The following ZHX3 variants were observed in gnomAD, a reference collection of about 807,000 sequenced individuals.
ZHX3 encodes the protein zinc fingers and homeoboxes protein 3.
Under a neutral mutation model 64.5 loss-of-function variants are expected in ZHX3, and 20 were observed. The ratio of observed to expected loss-of-function variants is 0.31; its 90% CI spans 0.22 to 0.45. The LOEUF (loss-of-function observed/expected upper bound fraction) is 0.45. Among genes scored for constraint, ZHX3 ranks in the 20% least tolerant of loss-of-function variants. The probability of loss-of-function intolerance (pLI) is 1.00; values close to 1 mark genes in which losing one functional copy is unlikely to be tolerated. For missense variants in ZHX3, 1,041 were observed against 1,195.8 expected, an observed-to-expected ratio of 0.87 and a Z score of 1.91; for synonymous variants, 423 against 461.6, an observed-to-expected ratio of 0.92 and a Z score of 1.07.
intron 1 of ZHX3, among the ~76,000 whole-genome samples, chr20:41,313,934 T>C (rs569664743): frequency 1.7e-4 from 25 of 150,356 alleles, no homozygotes; most frequent in African/African-American, 5.8e-4. Context: ...TCATTTAGGA[T>C]TCCCCCCTTA....
At chr20:41,298,563 C>G (rs2044652129) in intron 1 of ZHX3, among the ~76,000 whole-genome samples, 1 of 152,150 alleles carries the variant, frequency 6.6e-6, no homozygotes. Flanking sequence ...CAAAACATAG[C>G]AGTAAAACTA....
rs183766924 is a variant in ZHX3, at chr20:41,226,239, T to C, written c.-150-21173A>G. 2.0e-5 allele frequency among the ~76,000 whole-genome samples: 3 copies of C among 151,930 alleles called. No homozygotes were observed. Among genetic ancestry groups the C allele is most frequent in the Admixed American group, 2.0e-4 (3 of 15,254 alleles). On this transcript the variant is annotated intron_variant, in intron 2 of 3. Transcript: ENST00000683867. This position sits in a 1 kb window ranked among gnomAD's most constrained non-coding sequence, Gnocchi z 4.4. ...GGTGAAACCCCATCTCTACTAAAAA[T>C]ACAAAAAATTAGCCGGGCGTGCTGG...
In ZHX3 at chr20:41,195,773, T is replaced by C. The variant is rs562685064; in HGVS notation, c.2860+6284A>G. ...ACAGATTTACCTCTTAGGATTGCTT[T>C]CACTATGTGTCATAAGTTCTGGTAT... On this transcript the variant is annotated intron_variant, in intron 3 of 3. Transcript: ENST00000683867. The surrounding 1 kb of genome is among the most constrained non-coding windows in gnomAD (Gnocchi z 4.2). Among the ~76,000 whole-genome samples, 3 of 152,238 alleles carry C rather than the reference T, an allele frequency of 2.0e-5. No homozygotes were observed. Among genetic ancestry groups the C allele is most frequent in the Non-Finnish European group, 4.4e-5 (3 of 68,036 alleles).
In ZHX3 at chr20:41,228,746, C is replaced by A. The variant is rs2040422535; in HGVS notation, c.-150-23680G>T. On this transcript the variant is annotated intron_variant, in intron 2 of 3. Transcript: ENST00000683867. This position sits in a 1 kb window ranked among gnomAD's most constrained non-coding sequence, Gnocchi z 4.6. ...GTGAATTTTAGGAGATACATTCAGT[C>A]CACTGCACCATACATCCAGATTTCC... Among the ~76,000 whole-genome samples the A allele has an allele frequency of 6.6e-6, 1 of 152,164 alleles. No individual in the cohort carries two copies. The highest frequency in any genetic ancestry group is 1.5e-5 in the Non-Finnish European group (1 of 68,026).
At chr20:41,297,357 T>C (rs1437940984) in intron 1 of ZHX3, among the ~76,000 whole-genome samples, 2 of 152,210 alleles carry the variant, frequency 1.3e-5, no homozygotes, top group Non-Finnish European at 1.5e-5. Context: ...CTTGGGACCC[T>C]GTGAATTGAC....
At chr20:41,213,830 CGT>C (rs1320423332) in intron 2 of ZHX3, 1 of 152,252 alleles carries the variant, frequency 6.6e-6, no homozygotes, top group African/African-American at 2.4e-5. Context: ...CAGCAGCTCA[CGT>C]CTGTAATCCC....
At chr20:41,257,764 A>G (rs2042337831) in intron 2 of ZHX3, among the ~76,000 whole-genome samples, 1 of 148,914 alleles carries the variant, frequency 6.7e-6, no homozygotes, top group Admixed American at 6.6e-5. Flanking sequence ...GGCACACGCC[A>G]CCATGCCTGG....
intron 1 of ZHX3, among the ~76,000 whole-genome samples, chr20:41,286,202 G>C (rs1160461836): frequency 6.6e-6 from 1 of 152,172 alleles, no homozygotes; most frequent in East Asian, 1.9e-4. Flanking sequence ...TTTATGAATT[G>C]TATCATTGCT....
chr20:41,306,135 A>G (rs1467999705), intron 1 of ZHX3, among the ~76,000 whole-genome samples: 1 of 152,190 alleles, frequency 6.6e-6, no homozygotes, highest in Non-Finnish European at 1.5e-5. Context: ...ATTTATTAAT[A>G]TACATTAGAA....
intron 1 of ZHX3, among the ~76,000 whole-genome samples, chr20:41,282,633 C>T (rs2043746186): frequency 1.3e-5 from 2 of 152,176 alleles, no homozygotes; most frequent in Admixed American, 1.3e-4. Context: ...GCTGGGATTA[C>T]AGGCGTAAGC....
chr20:41,315,787 T>G (rs568129268), intron 1 of ZHX3, among the ~76,000 whole-genome samples: 1 of 152,122 alleles, frequency 6.6e-6, no homozygotes, highest in Non-Finnish European at 1.5e-5. Flanking sequence ...AAAAAACACG[T>G]ATACATGGGA....
intron 3 of ZHX3, among the ~76,000 whole-genome samples, chr20:41,199,358 G>A (rs538483451): frequency 6.6e-6 from 1 of 152,260 alleles, no homozygotes; most frequent in African/African-American, 2.4e-5. Flanking sequence ...TGGTAACTGA[G>A]AATCTAATTC....
chr20:41,262,323 G>T (rs756886229), intron 2 of ZHX3, among the ~76,000 whole-genome samples: 1 of 152,094 alleles, frequency 6.6e-6, no homozygotes, highest in Non-Finnish European at 1.5e-5. Context: ...ACTGAAACTT[G>T]TCGCCCAACA....
intron 2 of ZHX3, chr20:41,254,688 T>C (rs2042148081): frequency 1.3e-5 from 2 of 152,228 alleles, no homozygotes; most frequent in African/African-American, 4.8e-5. Flanking sequence ...ACAAATGCAA[T>C]TATATTGCTT....
rs139057937 is a variant in ZHX3, at chr20:41,296,328, C to T, written c.-245+21181G>A. ...TCCCAGCAATACTATGTATGAAATG[C>T]GGCTTTCTGGAATGGGCCACAGAGA... On this transcript the variant is annotated intron_variant, in intron 1 of 3. Transcript: ENST00000683867. 3.5e-3 allele frequency among the ~76,000 whole-genome samples: 522 copies of T among 147,632 alleles called. 1 individual carries two copies. The highest frequency in any genetic ancestry group is 4.5e-3 in the Non-Finnish European group (301 of 67,330).
chr20:41,306,190 G>GC (rs1443045092), intron 1 of ZHX3, among the ~76,000 whole-genome samples: 1 of 152,136 alleles, frequency 6.6e-6, no homozygotes, highest in Non-Finnish European at 1.5e-5. Flanking sequence ...ATTTGGGGAT[G>GC]CGACGCATTC....
In ZHX3 at chr20:41,201,964, C is replaced by T; in HGVS notation, c.2860+93G>A. 1 of 1,432,492 alleles carries T rather than the reference C, an allele frequency of 7.0e-7. No individual in the cohort carries two copies. The highest frequency in any genetic ancestry group is 9.2e-7 in the Non-Finnish European group (1 of 1,083,800). The allele number at this position is 1,432,492 out of a possible 1,614,324, so 88.7% of individuals were successfully genotyped here. On this transcript the variant is annotated intron_variant, in intron 3 of 3. Coordinates refer to ENST00000683867, the MANE Select transcript of ZHX3 (RefSeq NM_001384317.1). The surrounding 1 kb of genome is among the most constrained non-coding windows in gnomAD (Gnocchi z 5.0). ...TGCTGCCAGGCAGCCTTAGAGACAGCAGATGCCCCTGTGCAGTAAATTCAG... is the reference window on the plus strand; with the variant it reads ...TGCTGCCAGGCAGCCTTAGAGACAGTAGATGCCCCTGTGCAGTAAATTCAG...
intron 1 of ZHX3, among the ~76,000 whole-genome samples, chr20:41,297,151 CA>C (rs1221161713): frequency 6.6e-6 from 1 of 152,194 alleles, no homozygotes; most frequent in Non-Finnish European, 1.5e-5. Flanking sequence ...CTTGAATCAA[CA>C]CAAGGAGAAT....
At position 41,266,608 on chromosome 20, in the gene ZHX3, C is replaced by T. The variant is rs569926130; in HGVS notation, c.-151+2382G>A. On this transcript the variant is annotated intron_variant, in intron 2 of 3. Transcript: ENST00000683867. ...TCGCCCAGGCTGGAGTGCAGTGGTG[C>T]GATCTCGGCTCACTGCAAGCTCCGC... Among the ~76,000 whole-genome samples, 148 of 149,598 alleles carry T rather than the reference C, an allele frequency of 9.9e-4. 1 individual carries two copies. The highest frequency in any genetic ancestry group is 5.1e-3 in the South Asian group (24 of 4,744).
Sources: gnomAD v4.1 joint callset for allele counts (sites outside exome capture counted in the v4.1 genomes callset) on GRCh38, gnomAD v4.1.1 for gene constraint, Gnocchi (gnomAD v3.1) non-coding constraint, MANE v1.5 for transcripts, NCBI Gene and HGNC (gene_info 2026-07-23, HGNC 2026-07-21) for gene names.